The following ENO4 variants were observed in gnomAD, a reference collection of about 807,000 sequenced individuals.
The protein encoded by ENO4 is 2-phospho-D-glycerate hydro-lyase.
ENO4 carries 53 observed loss-of-function variants against 63.2 expected under a neutral mutation model. The ratio of observed to expected loss-of-function variants is 0.84; its 90% CI spans 0.67 to 1.05. The LOEUF is 1.05. Among genes scored for constraint, ENO4 ranks in the 50% least tolerant of loss-of-function variants. The probability of loss-of-function intolerance (pLI) is 0.00; values close to 1 mark genes in which losing one functional copy is unlikely to be tolerated. For missense variants in ENO4, 719 were observed against 772.0 expected, an observed-to-expected ratio of 0.93 and a Z score of 0.81; for synonymous variants, 266 against 283.8, an observed-to-expected ratio of 0.94 and a Z score of 0.63.
At chr10:116,883,098 T>G (rs1847068191), downstream of ENO4, 1 of 151,884 alleles carries the variant, frequency 6.6e-6, no homozygotes, top group Non-Finnish European at 1.5e-5. Context: ...CTAAATTAAA[T>G]TAACCAAAGA....
intron 10 of ENO4, among the ~76,000 whole-genome samples, chr10:116,888,561 A>C (rs1429946986): frequency 2.0e-5 from 3 of 152,156 alleles, no homozygotes; most frequent in Non-Finnish European, 4.4e-5. Context: ...TCTCTCTCTC[A>C]CAAGCACCAA....
At chr10:116,852,008 C>T (rs1011198717) in intron 1 of ENO4, among the ~76,000 whole-genome samples, 1 of 152,062 alleles carries the variant, frequency 6.6e-6, no homozygotes, top group African/African-American at 2.4e-5. Flanking sequence ...GCTCATAATC[C>T]CCACATATGA....
chr10:116,879,816 G>A (rs983977073), intron 12 of ENO4, 53 bp from the exon 13 acceptor site: 18 of 1,342,764 alleles, frequency 1.3e-5, no homozygotes, highest in African/African-American at 1.3e-4. Flanking sequence ...ATTGTTTGTC[G>A]TTTAGCAAGA....
intron 10 of ENO4, among the ~76,000 whole-genome samples, chr10:116,898,156 C>G (rs560958257): frequency 3.4e-4 from 52 of 152,000 alleles, no homozygotes; most frequent in African/African-American, 1.2e-3. Context: ...AGTGAAACCG[C>G]GTCTCTACTA....
chr10:116,907,681 C>T (rs1848026797), intron 10 of ENO4, among the ~76,000 whole-genome samples: 1 of 152,156 alleles, frequency 6.6e-6, no homozygotes, highest in African/African-American at 2.4e-5. Flanking sequence ...TAGAAACGGT[C>T]CTTCTCAACT....
At chr10:116,893,576 G>GCATGCACACACACACACACACACACACA (rs1554905667) in intron 10 of ENO4, among the ~76,000 whole-genome samples, 18 of 123,594 alleles carry the variant, frequency 1.5e-4, no homozygotes, top group African/African-American at 5.7e-4. Flanking sequence ...GCACTCATGT[G>GCATGCACACACACACACACACACACACA]CACACACACA....
intron 1 of ENO4, among the ~76,000 whole-genome samples, chr10:116,852,496 C>G (rs899663804): frequency 4.6e-5 from 7 of 152,198 alleles, no homozygotes; most frequent in African/African-American, 1.7e-4. Flanking sequence ...TGATGGTCCT[C>G]CAAGAAACTA....
At chr10:116,851,163 G>T (rs889857223) in intron 1 of ENO4, among the ~76,000 whole-genome samples, 6 of 152,246 alleles carry the variant, frequency 3.9e-5, no homozygotes, top group Admixed American at 3.3e-4. Flanking sequence ...AGGCAGCCAG[G>T]ATATTCGTTT....
intron 11 of ENO4, among the ~76,000 whole-genome samples, chr10:116,877,171 G>A (rs1564852797): frequency 2.0e-5 from 3 of 151,696 alleles, no homozygotes; most frequent in Non-Finnish European, 1.5e-5. Context: ...GAACAGCAGG[G>A]GCAGAACATG....
At chr10:116,909,743 T>C (rs1313796312) in intron 10 of ENO4, among the ~76,000 whole-genome samples, 1 of 152,192 alleles carries the variant, frequency 6.6e-6, no homozygotes, top group Non-Finnish European at 1.5e-5. Flanking sequence ...ACTTGTTTTC[T>C]ACCTGGGGGC....
chr10:116,891,315 A>G (rs1219953991), intron 10 of ENO4, among the ~76,000 whole-genome samples: 1 of 152,244 alleles, frequency 6.6e-6, no homozygotes, highest in Non-Finnish European at 1.5e-5. Context: ...CTATCTTTCA[A>G]ATCGCAACAG....
chr10:116,881,561 A>G lies in ENO4; in HGVS notation c.1770A>G (p.Glu590=), dbSNP rs1847014461. The G allele has an allele frequency of 1.9e-6, 3 of 1,548,738 alleles. No homozygotes were observed. Among genetic ancestry groups the G allele is most frequent in the Middle Eastern group, 1.7e-4 (1 of 5,950 alleles). ...HTFFYFNEEA[E]KAAEALEAAA... is the part of the protein sequence containing the mutation. ...TTTTTTACTTTAATGAGGAAGCTGA[A>G]AAGGCTGCGGAGGCACTTGAGGCTG... The change falls in exon 14 of 14, where the codon GAA becomes GAG. Residue 590 remains glutamate, a synonymous_variant. Transcript: ENST00000341276.
chr10:116,850,238 A>C, intron 1 of ENO4: 1 of 206,066 alleles, frequency 4.9e-6, no homozygotes, highest in South Asian at 6.7e-5. Flanking sequence ...TTAATATCTG[A>C]CCAGCCCCGC....
At chr10:116,884,266 C>T (rs1264567231), downstream of ENO4, 1 of 459,278 alleles carries the variant, frequency 2.2e-6, no homozygotes, top group South Asian at 1.5e-5. Context: ...GACAGTGTCA[C>T]CCCAGCCAGG....
chr10:116,856,549 G>A lies in ENO4; in HGVS notation c.352G>A (p.Glu118Lys), dbSNP rs981213912. ...HFEVHENALP[E>K]LAKAEEAERA... Reference sequence around the variant, plus strand: ...TGAAGTCCATGAGAATGCTCTGCCCGAGCTGGCCAAGGCGGAGGAGGCAGA... The same window carrying A: ...TGAAGTCCATGAGAATGCTCTGCCCAAGCTGGCCAAGGCGGAGGAGGCAGA... Residue 118 changes from glutamate to lysine, a missense_variant, in exon 3 of 14, where the codon GAG becomes AAG. Transcript: ENST00000341276. The A allele has an allele frequency of 1.1e-5, 17 of 1,535,820 alleles. No homozygotes were observed. The East Asian group carries it at 1.2e-4, about 11-fold the overall frequency.
rs1470434957 is a variant in ENO4, at chr10:116,861,157, T to C, written c.903T>C (p.Ile301=). 4 of 1,543,242 alleles carry C rather than the reference T, an allele frequency of 2.6e-6. No individual in the cohort carries two copies. The highest frequency in any genetic ancestry group is 3.5e-6 in the Non-Finnish European group (4 of 1,141,896). The change falls in exon 6 of 14, where the codon ATT becomes ATC. Residue 301 remains isoleucine, a synonymous_variant. Transcript: ENST00000341276. The stretch of plus-strand genomic sequence containing the variant: ...AGCTAAATTTAATGAAAGAAGTGAT[T>C]TGTATACCCCATCCTGAATTAACAA... ...SGKLNLMKEV[I]CIPHPELTTK...
rs1432070715 is a variant in ENO4 at position 116,876,280 on chromosome 10, T to C, written c.1537+20T>C. 2.0e-6 allele frequency: 3 copies of C among 1,506,796 alleles called. No homozygotes were observed. The highest frequency in any genetic ancestry group is 2.5e-5 in the East Asian group (1 of 39,260). 93.3% of individuals were successfully genotyped at this position (1,506,796 alleles called of 1,614,324 possible). ...TTGACAGTGAGTAAAAGCATACATCTGAAAGACTCGTAATGACTTGGTTAT... is the reference window on the plus strand; with the variant it reads ...TTGACAGTGAGTAAAAGCATACATCCGAAAGACTCGTAATGACTTGGTTAT... On this transcript the variant is annotated intron_variant, in intron 11 of 13. Transcript: ENST00000341276.
In ENO4 at chr10:116,861,125, T is replaced by G; in HGVS notation, c.871T>G (p.Ser291Ala). 1 of 1,548,278 alleles carries G rather than the reference T, an allele frequency of 6.5e-7. No homozygotes were observed. The highest frequency in any genetic ancestry group is 8.7e-7 in the Non-Finnish European group (1 of 1,145,574). The change falls in exon 6 of 14, where the codon TCT becomes GCT. Residue 291 changes from serine to alanine, a missense_variant. Physicochemically the swap from Ser to Ala is moderately conservative, Grantham distance 99. Coordinates refer to ENST00000341276, the MANE Select transcript of ENO4 (RefSeq NM_001242699.2). The part of the protein sequence containing the change: ...VSLVSCGKSS[S>A]GKLNLMKEVI... The stretch of plus-strand genomic sequence containing the variant: ...GCTGGTCAGCTGTGGGAAGTCATCA[T>G]CTGGGAAGCTAAATTTAATGAAAGA...
At chr10:116,901,626 G>A in intron 10 of ENO4, 1 of 1,358,636 alleles carries the variant, frequency 7.4e-7, no homozygotes, top group Non-Finnish European at 9.4e-7. Flanking sequence ...GAAAAAGCTG[G>A]CCCATCAAAT....
Sources: allele counts gnomAD v4.1 joint callset (sites outside exome capture counted in the v4.1 genomes callset), GRCh38; gene constraint gnomAD v4.1.1; transcripts MANE v1.5; gene names NCBI Gene and HGNC (gene_info 2026-07-23, HGNC 2026-07-21).